Variants in UBE2W observed in about 807,000 individuals in gnomAD.
UBE2W encodes ubiquitin conjugating enzyme E2 W.
A neutral mutation model predicts 27.2 loss-of-function variants in UBE2W; 18 were observed. That is an observed-to-expected ratio of 0.66 (90% CI 0.46 to 0.98). UBE2W has a LOEUF of 0.98. UBE2W is among the 50% of genes least tolerant of loss of function. UBE2W has a pLI of 0.00. For missense variants in UBE2W, 90 were observed against 180.2 expected (o/e 0.50, Z 2.87); for synonymous variants, 53 against 57.2 (o/e 0.93, Z 0.33).
chr8:73,810,049 C>G (rs1032435177), intron 4 of UBE2W, among the ~76,000 whole-genome samples: 1 of 152,090 alleles, frequency 6.6e-6, no homozygotes, highest in Non-Finnish European at 1.5e-5. Flanking sequence ...CAGGGAAGCT[C>G]TGGTTCCTGA....
At chr8:73,816,200 G>A (rs537252202) in intron 3 of UBE2W, among the ~76,000 whole-genome samples, 52 of 152,140 alleles carry the variant, frequency 3.4e-4, no homozygotes, top group Non-Finnish European at 6.5e-4. Context: ...GATTGTCTTG[G>A]ATGGTAATCA....
intron 2 of UBE2W, among the ~76,000 whole-genome samples, chr8:73,827,089 C>T (rs1809871343): frequency 6.6e-6 from 1 of 152,202 alleles, no homozygotes; most frequent in African/African-American, 2.4e-5. Context: ...GTAACCTATA[C>T]AAACAAGCAC....
At chr8:73,821,535 TGGGGTGTGGGA>T (rs1809610714) in intron 3 of UBE2W, among the ~76,000 whole-genome samples, 1 of 12,888 alleles carries the variant, frequency 7.8e-5, no homozygotes, top group African/African-American at 3.9e-4. Flanking sequence ...GGGGGTGGAG[TGGGGTGTGGGA>T]GTGTGTGTGT....
At chr8:73,782,697 T>C (rs573590149), downstream of UBE2W, among the ~76,000 whole-genome samples, 35 of 152,334 alleles carry the variant, frequency 2.3e-4, no homozygotes, top group Admixed American at 6.5e-4. Flanking sequence ...GCAGATTACA[T>C]AAAACATAAA....
At chr8:73,868,214 G>A (rs538074646) in intron 1 of UBE2W, among the ~76,000 whole-genome samples, 2 of 152,156 alleles carry the variant, frequency 1.3e-5, no homozygotes, top group Non-Finnish European at 2.9e-5. Flanking sequence ...AGAAGGGGGG[G>A]CTCAGGGTTG....
chr8:73,791,184 A>G lies in UBE2W; in HGVS notation c.*2918T>C. On this transcript the variant is annotated 3_prime_UTR_variant, in exon 6 of 6. Transcript: ENST00000602593. Reference sequence around the variant, plus strand: ...ATATTAATTCCTTAAGAGAACCATAAAATGTATTTTTAAAAAATTCTCTTA... The same window carrying G: ...ATATTAATTCCTTAAGAGAACCATAGAATGTATTTTTAAAAAATTCTCTTA... 2.0e-6 allele frequency: 2 copies of G among 983,428 alleles called. No homozygotes were observed. Among genetic ancestry groups the G allele is most frequent in the Non-Finnish European group, 2.4e-6 (2 of 828,282 alleles). The allele number at this position is 983,428 out of a possible 1,614,324, so 60.9% of individuals were successfully genotyped here.
chr8:73,870,241 G>T, intron 1 of UBE2W: 1 of 1,579,312 alleles, frequency 6.3e-7, no homozygotes, highest in East Asian at 2.3e-5. Context: ...AAGTTTTGAA[G>T]AGGATTGGCA....
At position 73,791,508 on chromosome 8, in the gene UBE2W, C is replaced by T. The variant is rs1050143132; in HGVS notation, c.*2594G>A. 135 of 985,094 alleles carry T rather than the reference C, an allele frequency of 1.4e-4. No homozygotes were observed. The highest frequency in any genetic ancestry group is 3.3e-4 in the African/African-American group (19 of 57,210). 61.0% of individuals were successfully genotyped at this position (985,094 alleles called of 1,614,324 possible). ...CAGGGAGGAGGCAAGTAGCATATTC[C>T]TATATACATTTTCTTGATATTCTGG... On this transcript the variant is annotated 3_prime_UTR_variant, in exon 6 of 6. Transcript: ENST00000602593.
intron 1 of UBE2W, among the ~76,000 whole-genome samples, chr8:73,833,508 CTGAGA>C (rs1810179662): frequency 6.6e-6 from 1 of 151,964 alleles, no homozygotes; most frequent in South Asian, 2.1e-4. Context: ...ATATTATGAT[CTGAGA>C]TATGTTAAGG....
chr8:73,821,009 G>A (rs115683432), intron 3 of UBE2W, among the ~76,000 whole-genome samples: 19 of 152,238 alleles, frequency 1.2e-4, no homozygotes, highest in African/African-American at 4.6e-4. Flanking sequence ...AAAAGAGTGA[G>A]AATAACTGAC....
chr8:73,868,960 G>T (rs1435269407), intron 1 of UBE2W, among the ~76,000 whole-genome samples: 1 of 152,038 alleles, frequency 6.6e-6, no homozygotes, highest in East Asian at 1.9e-4. Context: ...CTAAAAAGGG[G>T]AAACAATCCA....
At chr8:73,867,753 T>C (rs996415224) in intron 1 of UBE2W, among the ~76,000 whole-genome samples, 3 of 149,694 alleles carry the variant, frequency 2.0e-5, no homozygotes, top group Admixed American at 6.7e-5. Flanking sequence ...AAAATTTGCA[T>C]AGATATTTCT....
In UBE2W at chr8:73,864,356, G is replaced by A. The variant is rs367611962; in HGVS notation, c.15+14452C>T. Among the ~76,000 whole-genome samples, 207 of 152,216 alleles carry A rather than the reference G, an allele frequency of 1.4e-3. 1 individual carries two copies. The highest frequency in any genetic ancestry group is 4.6e-3 in the East Asian group (24 of 5,182). On this transcript the variant is annotated intron_variant, in intron 1 of 5. Coordinates refer to ENST00000602593, the MANE Select transcript of UBE2W (RefSeq NM_018299.6). ...AAAGACAAGATCATGCCACTGCACC[G>A]GGTGACAGAGTGAGACTGTCTCTAA...
At chr8:73,835,717 TGG>T (rs1391259729) in intron 1 of UBE2W, among the ~76,000 whole-genome samples, 1 of 152,148 alleles carries the variant, frequency 6.6e-6, no homozygotes, top group Non-Finnish European at 1.5e-5. Flanking sequence ...CACTCCAGCC[TGG>T]GCGAGAGAGC....
chr8:73,797,763 T>C (rs1808481210), intron 5 of UBE2W, among the ~76,000 whole-genome samples: 1 of 152,220 alleles, frequency 6.6e-6, no homozygotes, highest in East Asian at 1.9e-4. Context: ...AATTACAGAC[T>C]CATTTTGTTG....
chr8:73,780,519 T>TG (rs1401120712), intron 4 of UBE2W: 4 of 451,574 alleles, frequency 8.9e-6, no homozygotes, highest in Admixed American at 4.7e-5. Flanking sequence ...ATTTCAGTTC[T>TG]GAAAAAAAAA....
At chr8:73,873,077 T>C (rs1356892521) in intron 1 of UBE2W, among the ~76,000 whole-genome samples, 3 of 152,026 alleles carry the variant, frequency 2.0e-5, no homozygotes, top group Non-Finnish European at 4.4e-5. Flanking sequence ...GGCTAATTTT[T>C]TTTGTATTTT....
intron 1 of UBE2W, among the ~76,000 whole-genome samples, chr8:73,861,109 G>A (rs1337968652): frequency 2.0e-5 from 3 of 152,006 alleles, no homozygotes; most frequent in Non-Finnish European, 4.4e-5. Context: ...ACAGAGTGAG[G>A]TCCTACTTCT....
At chr8:73,858,879 CGT>C (rs5892434) in intron 1 of UBE2W, among the ~76,000 whole-genome samples, 107,690 of 141,538 alleles carry the variant, frequency 0.76, 41,530 homozygotes, top group East Asian at 0.91. Context: ...TTTTTGCGTG[CGT>C]GTGTGTGTGT....
Sources: gnomAD v4.1 joint callset for allele counts (sites outside exome capture counted in the v4.1 genomes callset) on GRCh38, gnomAD v4.1.1 for gene constraint, MANE v1.5 for transcripts, NCBI Gene and HGNC (gene_info 2026-07-23, HGNC 2026-07-21) for gene names.